Variants in ASB5 observed in about 807,000 individuals in gnomAD.
ASB5 encodes ankyrin repeat and SOCS box protein 5.
In ASB5, 45 loss-of-function variants were observed where a neutral mutation model predicts 42.1. That is an observed-to-expected ratio of 1.07 (90% CI 0.84 to 1.37). ASB5 has a LOEUF of 1.37. Ranked by LOEUF, ASB5 falls within the 40% of genes most tolerant of loss-of-function variation. The pLI is 0.00. For missense variants in ASB5, 402 were observed against 399.8 expected (o/e 1.01, Z -0.05); for synonymous variants, 147 against 150.6 (o/e 0.98, Z 0.18).
At chr4:176,222,825 T>A (rs1753259024) in intron 2 of ASB5, among the ~76,000 whole-genome samples, 2 of 152,330 alleles carry the variant, frequency 1.3e-5, no homozygotes, top group South Asian at 4.1e-4. Flanking sequence ...TCACCCAAGC[T>A]GGAGTGCAGT....
chr4:176,244,375 A>G (rs1415750292), intron 1 of ASB5, among the ~76,000 whole-genome samples: 2 of 152,218 alleles, frequency 1.3e-5, no homozygotes, highest in East Asian at 1.9e-4. Context: ...AACCACATTT[A>G]CATCCACAGC....
rs1299833327 is a variant in ASB5 at position 176,214,234 on chromosome 4, A to G, written c.*1366T>C. 1.3e-5 allele frequency: 2 copies of G among 152,142 alleles called. No homozygotes were observed. Among genetic ancestry groups the G allele is most frequent in the Non-Finnish European group, 2.9e-5 (2 of 67,992 alleles). 9.4% of individuals were successfully genotyped at this position (152,142 alleles called of 1,614,324 possible). A position where few individuals can be genotyped will look rare whatever the true frequency, so the allele number is the denominator to read the frequency against. On this transcript the variant is annotated 3_prime_UTR_variant, in exon 7 of 7. Coordinates refer to ENST00000296525, the MANE Select transcript of ASB5 (RefSeq NM_080874.4). ...TTTTCCCATAGTCTGGAAGTTAGCCAAGAAGTCAGAAGAAAATAAGCCCTG... is the reference window on the plus strand; with the variant it reads ...TTTTCCCATAGTCTGGAAGTTAGCCGAGAAGTCAGAAGAAAATAAGCCCTG...
chr4:176,243,024 A>C (rs903893814), intron 1 of ASB5, among the ~76,000 whole-genome samples: 4 of 152,152 alleles, frequency 2.6e-5, no homozygotes, highest in African/African-American at 9.7e-5. Context: ...TTTATATATT[A>C]TCTATATTTT....
chr4:176,228,194 T>C (rs748855610), intron 1 of ASB5, among the ~76,000 whole-genome samples: 23 of 152,236 alleles, frequency 1.5e-4, no homozygotes, highest in Non-Finnish European at 3.2e-4. Flanking sequence ...TCAGGGAATT[T>C]CTATTGTCTA....
chr4:176,259,795 AGTTT>A (rs1280099649), intron 1 of ASB5, among the ~76,000 whole-genome samples: 14 of 152,180 alleles, frequency 9.2e-5, no homozygotes, highest in Non-Finnish European at 2.1e-4. Flanking sequence ...GTTAAATTTC[AGTTT>A]GTTTGTACTC....
chr4:176,256,898 C>T (rs1047719469), intron 1 of ASB5, among the ~76,000 whole-genome samples: 2 of 152,108 alleles, frequency 1.3e-5, no homozygotes, highest in African/African-American at 4.8e-5. Context: ...TATCGCACCA[C>T]TGCACTCCAA....
intron 2 of ASB5, among the ~76,000 whole-genome samples, chr4:176,222,635 C>T (rs1404924880): frequency 1.3e-5 from 2 of 152,062 alleles, no homozygotes; most frequent in African/African-American, 4.8e-5. Context: ...ATGTCTGGAC[C>T]CAATAATGCC....
chr4:176,218,640 TATAA>T (rs1186226624), intron 5 of ASB5, among the ~76,000 whole-genome samples: 1 of 93,404 alleles, frequency 1.1e-5, no homozygotes, highest in Non-Finnish European at 2.0e-5. Context: ...TTGTATGATA[TATAA>T]ATATATATAT....
At chr4:176,267,688 C>T (rs551276188) in intron 1 of ASB5, among the ~76,000 whole-genome samples, 4 of 152,088 alleles carry the variant, frequency 2.6e-5, no homozygotes, top group Non-Finnish European at 5.9e-5. Flanking sequence ...TTAAATACAG[C>T]CTATTTACTT....
chr4:176,253,526 T>C lies in ASB5; in HGVS notation c.196+15387A>G, dbSNP rs10007453. 3.9e-3 allele frequency among the ~76,000 whole-genome samples: 593 copies of C among 152,218 alleles called. 6 individuals are homozygous for C. The highest frequency in any genetic ancestry group is 0.014 in the African/African-American group (569 of 41,562). ...TCTCATTACTCCTGTTCCTATAATA[T>C]TGAAAGTCCTTGCCAGAGCAATCAG... On this transcript the variant is annotated intron_variant, in intron 1 of 6. Coordinates refer to ENST00000296525, the MANE Select transcript of ASB5 (RefSeq NM_080874.4).
chr4:176,219,377 G>T (rs1167104938), intron 5 of ASB5, among the ~76,000 whole-genome samples: 2 of 85,024 alleles, frequency 2.4e-5, no homozygotes, highest in South Asian at 3.8e-4. Flanking sequence ...ATATTTGTAT[G>T]ATATATAAAT....
chr4:176,217,609 T>C (rs1375959843), intron 5 of ASB5, among the ~76,000 whole-genome samples: 1 of 152,124 alleles, frequency 6.6e-6, no homozygotes, highest in Admixed American at 6.6e-5. Flanking sequence ...GGCACATTGA[T>C]GATATCTGCA....
intron 1 of ASB5, among the ~76,000 whole-genome samples, chr4:176,255,324 A>C (rs1410808983): frequency 1.3e-5 from 2 of 152,246 alleles, no homozygotes; most frequent in African/African-American, 4.8e-5. Context: ...TCAAGGAACT[A>C]AGAGTTGAAC....
intron 1 of ASB5, among the ~76,000 whole-genome samples, chr4:176,230,651 T>C (rs1196689633): frequency 6.6e-6 from 1 of 152,200 alleles, no homozygotes; most frequent in Non-Finnish European, 1.5e-5. Context: ...TTTCACACCT[T>C]GTTCTTCCCC....
chr4:176,252,512 C>T (rs1160589813), intron 1 of ASB5, among the ~76,000 whole-genome samples: 7 of 152,048 alleles, frequency 4.6e-5, no homozygotes, highest in African/African-American at 7.2e-5. Flanking sequence ...GTCTAAATTC[C>T]GAAGATGAAG....
intron 1 of ASB5, among the ~76,000 whole-genome samples, chr4:176,263,117 G>A (rs765509109): frequency 1.2e-4 from 18 of 151,954 alleles, no homozygotes; most frequent in East Asian, 1.9e-4. Context: ...TATTAGTTTC[G>A]GAGAGTTCTG....
At position 176,228,956 on chromosome 4, in the gene ASB5, TTAAA is replaced by T. The variant is rs533889116; in HGVS notation, c.197-3619_197-3616del. Among the ~76,000 whole-genome samples the T allele has an allele frequency of 3.8e-4, 58 of 152,294 alleles. 1 individual carries two copies. The South Asian group carries it at 0.011, about 29-fold the overall frequency. The stretch of plus-strand genomic sequence containing the variant: ...ACATATATCAATTTTTTGTGAACAC[TTAAA>T]TATTTAAGAAAATATGAAAATTATA... On this transcript the variant is annotated intron_variant, in intron 1 of 6. Coordinates refer to ENST00000296525, the MANE Select transcript of ASB5 (RefSeq NM_080874.4).
In ASB5 at chr4:176,214,356, C is replaced by T. The variant is rs1018841347; in HGVS notation, c.*1244G>A. On this transcript the variant is annotated 3_prime_UTR_variant, in exon 7 of 7. Coordinates refer to ENST00000296525, the MANE Select transcript of ASB5 (RefSeq NM_080874.4). ...TGCTTTTGTTTTACAAAGAGTTGTA[C>T]GTTGATTATCTTATTTCTAAAATCA... 3.3e-5 allele frequency: 5 copies of T among 151,926 alleles called. No individual in the cohort carries two copies. Among genetic ancestry groups the T allele is most frequent in the South Asian group, 2.1e-4 (1 of 4,830 alleles). 9.4% of individuals were successfully genotyped at this position (151,926 alleles called of 1,614,324 possible).
At chr4:176,226,800 C>T (rs185919768) in intron 1 of ASB5, among the ~76,000 whole-genome samples, 11 of 152,286 alleles carry the variant, frequency 7.2e-5, no homozygotes, top group African/African-American at 2.4e-4. Flanking sequence ...TTCCTGTGGT[C>T]CCCCCACCCC....
Sources: allele counts gnomAD v4.1 joint callset (sites outside exome capture counted in the v4.1 genomes callset), GRCh38; gene constraint gnomAD v4.1.1; transcripts MANE v1.5; gene names NCBI Gene and HGNC (gene_info 2026-07-23, HGNC 2026-07-21).